FBN2: variants seen among roughly 807,000 people sequenced by gnomAD.
The protein encoded by FBN2 is fibrillin-2.
In FBN2, 105 loss-of-function variants were observed where a neutral mutation model predicts 355.6. The ratio of observed to expected loss-of-function variants is 0.30; its 90% CI spans 0.25 to 0.35. FBN2 has a LOEUF of 0.35. Among genes scored for constraint, FBN2 ranks in the 10% least tolerant of loss-of-function variants. The pLI is 1.00. For missense variants in FBN2, 3,280 were observed against 3,758.7 expected (o/e 0.87, Z 3.33); for synonymous variants, 1,350 against 1,301.2 (o/e 1.04, Z -0.81).
chr5:128,439,744 A>G (rs1293853192), intron 7 of FBN2, among the ~76,000 whole-genome samples: 1 of 151,962 alleles, frequency 6.6e-6, no homozygotes, highest in African/African-American at 2.4e-5. Flanking sequence ...ATTTTATGTA[A>G]CTGAATTTAT....
At position 128,286,734 on chromosome 5, in the gene FBN2, A is replaced by G. The variant is rs753673393; in HGVS notation, c.6996T>C (p.Asp2332=). 3.1e-6 allele frequency: 5 copies of G among 1,614,056 alleles called. No homozygotes were observed. Among genetic ancestry groups the G allele is most frequent in the East Asian group, 2.2e-5 (1 of 44,892 alleles). Residue 2332 remains aspartate (D), a synonymous_variant, in exon 55 of 65, where the codon GAT becomes GAC. Coordinates refer to ENST00000262464, the MANE Select transcript of FBN2 (RefSeq NM_001999.4). The part of the protein sequence containing the change: ...ICPPGMARRP[D]GEGCVDENEC... ...ACCGCTTACCTACACAGCCTTCTCCATCGGGCCTTCGGGCCATTCCAGGAG... is the reference window on the plus strand; with the variant it reads ...ACCGCTTACCTACACAGCCTTCTCCGTCGGGCCTTCGGGCCATTCCAGGAG...
At chr5:128,503,546 G>A (rs539445654) in intron 5 of FBN2, among the ~76,000 whole-genome samples, 17 of 152,286 alleles carry the variant, frequency 1.1e-4, no homozygotes, top group African/African-American at 2.4e-4. Context: ...TGAGGAACTT[G>A]TTGGGAACTG....
At chr5:128,262,880 C>T (rs1306575582) in intron 63 of FBN2, among the ~76,000 whole-genome samples, 3 of 152,324 alleles carry the variant, frequency 2.0e-5, no homozygotes, top group East Asian at 1.9e-4. Flanking sequence ...TGAGACAGTG[C>T]GCCTAGTTGG....
chr5:128,281,035 A>T (rs1765530443), intron 55 of FBN2, among the ~76,000 whole-genome samples: 1 of 152,154 alleles, frequency 6.6e-6, no homozygotes, highest in South Asian at 2.1e-4. Flanking sequence ...TTTCATCTTT[A>T]TACTTAAAAT....
At chr5:128,455,859 T>C (rs983593630) in intron 6 of FBN2, among the ~76,000 whole-genome samples, 1 of 151,792 alleles carries the variant, frequency 6.6e-6, no homozygotes, top group Non-Finnish European at 1.5e-5. Context: ...CCCTGGAACG[T>C]ACAGATTATT....
At chr5:128,435,239 A>G (rs1189722597) in intron 7 of FBN2, among the ~76,000 whole-genome samples, 1 of 152,128 alleles carries the variant, frequency 6.6e-6, no homozygotes, top group Non-Finnish European at 1.5e-5. Context: ...TCAGGAATTA[A>G]TGGATACCCT....
rs1270700004 is a variant in FBN2, at chr5:128,344,320, C to T, written c.3343+65G>A. ...GAGAGGATTAGCTTTTTAGGGCAGT[C>T]CTTTCAAACAGAGTAAAGGAAAGAC... On this transcript the variant is annotated intron_variant, in intron 25 of 64. Transcript: ENST00000262464. 5 of 1,543,010 alleles carry T rather than the reference C, an allele frequency of 3.2e-6. No homozygotes were observed. The East Asian group carries it at 1.1e-4, about 35-fold the overall frequency.
intron 20 of FBN2, among the ~76,000 whole-genome samples, chr5:128,356,231 A>C (rs1390156001): frequency 1.3e-5 from 2 of 152,118 alleles, no homozygotes; most frequent in African/African-American, 4.8e-5. Context: ...AACAAGGCTC[A>C]GATTTCACCA....
At chr5:128,446,729 G>T (rs1224727540) in intron 6 of FBN2, 123 bp from the exon 7 acceptor site, 2 of 1,000,176 alleles carry the variant, frequency 2.0e-6, no homozygotes, top group Admixed American at 4.1e-5. Flanking sequence ...CAAGAGAGTG[G>T]GGTTAGAGAA....
At position 128,537,363 on chromosome 5, in the gene FBN2, C is replaced by A; in HGVS notation, c.241G>T (p.Asp81Tyr). The A allele has an allele frequency of 6.2e-7, 1 of 1,610,870 alleles. No homozygotes were observed. The highest frequency in any genetic ancestry group is 8.5e-7 in the Non-Finnish European group (1 of 1,179,818). Reference protein sequence around the residue: ...ASRVRRRGQQDVLRGPNVCGS... With the variant: ...ASRVRRRGQQYVLRGPNVCGS... Reference sequence around the variant, plus strand: ...TTGCCCACTTACCCTCGGAGCACGTCCTGCTGTCCTCGCCGGCGGACGCGG... The same window carrying A: ...TTGCCCACTTACCCTCGGAGCACGTACTGCTGTCCTCGCCGGCGGACGCGG... Residue 81 changes from aspartate (D) to tyrosine (Y), a missense_variant, in exon 1 of 65, where the codon GAC becomes TAC. Physicochemically the swap from Asp to Tyr is radical, Grantham distance 160 (BLOSUM62 -3). Transcript: ENST00000262464.
At chr5:128,352,202 C>A (rs928757911) in intron 20 of FBN2, among the ~76,000 whole-genome samples, 3 of 151,718 alleles carry the variant, frequency 2.0e-5, no homozygotes, top group African/African-American at 7.3e-5. Context: ...TTCTTTCAGG[C>A]ACTTAAAAAA....
intron 8 of FBN2, among the ~76,000 whole-genome samples, chr5:128,396,993 T>C (rs1000002122): frequency 1.3e-5 from 2 of 152,190 alleles, no homozygotes; most frequent in Non-Finnish European, 2.9e-5. Flanking sequence ...ATGCCTCAGA[T>C]TGCTTTTAAG....
intron 6 of FBN2, among the ~76,000 whole-genome samples, chr5:128,457,252 AAAAAAGAATG>A (rs970079976): frequency 2.6e-5 from 4 of 152,178 alleles, no homozygotes; most frequent in Admixed American, 1.3e-4. Flanking sequence ...AAGAATAGAG[AAAAAAGAATG>A]AAAAGGAATG....
chr5:128,317,118 C>T (rs1371150116), intron 36 of FBN2, among the ~76,000 whole-genome samples: 1 of 152,134 alleles, frequency 6.6e-6, no homozygotes, highest in South Asian at 2.1e-4. Context: ...GGAGGCTTCC[C>T]TCAGTGGTCC....
chr5:128,505,780 TA>T (rs34864280), intron 5 of FBN2, among the ~76,000 whole-genome samples: 1 of 152,220 alleles, frequency 6.6e-6, no homozygotes, highest in South Asian at 2.1e-4. Flanking sequence ...GGTTCATCAA[TA>T]ATGTACATAT....
At chr5:128,396,607 T>A (rs148401306) in intron 8 of FBN2, among the ~76,000 whole-genome samples, 2 of 152,294 alleles carry the variant, frequency 1.3e-5, no homozygotes, top group African/African-American at 4.8e-5. Flanking sequence ...ATCAAAATGA[T>A]CAGATAAAGG....
At chr5:128,467,170 C>T (rs1754736520) in intron 5 of FBN2, among the ~76,000 whole-genome samples, 1 of 152,066 alleles carries the variant, frequency 6.6e-6, no homozygotes, top group Admixed American at 6.5e-5. Context: ...CTTATGTCCT[C>T]TTAGTACCGT....
intron 5 of FBN2, among the ~76,000 whole-genome samples, chr5:128,470,811 T>C (rs1378676365): frequency 6.6e-6 from 1 of 152,212 alleles, no homozygotes; most frequent in Non-Finnish European, 1.5e-5. Context: ...GTCAGTGGAA[T>C]GCAGTTACAG....
Position 128,339,130 on chromosome 5 carries a change from C to T in FBN2, c.3344-69G>A, listed in dbSNP as rs1240080955. On this transcript the variant is annotated intron_variant, in intron 25 of 64. Transcript: ENST00000262464. ...AGACTTGGCCTTCCAAGCGAAGGTG[C>T]TGCATGCTTGAAAAGTTGGGGAAAT... 7 of 1,535,822 alleles carry T rather than the reference C, an allele frequency of 4.6e-6. No individual in the cohort carries two copies. The East Asian group carries it at 6.8e-5, about 15-fold the overall frequency.
Sources: gnomAD v4.1 joint callset for allele counts (sites outside exome capture counted in the v4.1 genomes callset) on GRCh38, gnomAD v4.1.1 for gene constraint, MANE v1.5 for transcripts, NCBI Gene and HGNC (gene_info 2026-07-23, HGNC 2026-07-21) for gene names.